Variants in RBFOX3 observed in about 807,000 individuals in gnomAD.
The protein encoded by RBFOX3 is RNA binding protein fox-1 homolog 3.
In RBFOX3, 17 loss-of-function variants were observed where a neutral mutation model predicts 48.7. The observed-to-expected ratio is 0.35, with a 90% CI of 0.24 to 0.52. The LOEUF (loss-of-function observed/expected upper bound fraction) is 0.52, where lower values mean the gene tolerates loss of function less well. Among genes scored for constraint, RBFOX3 ranks in the 20% least tolerant of loss-of-function variants. RBFOX3 has a pLI of 0.94. For synonymous variants in RBFOX3, 212 were observed against 209.5 expected (o/e 1.01, Z -0.10); for missense variants, 382 against 497.5 (o/e 0.77, Z 2.21).
chr17:79,546,751 C>T (rs975949299), intron 1 of RBFOX3, among the ~76,000 whole-genome samples: 3 of 151,244 alleles, frequency 2.0e-5, no homozygotes, highest in African/African-American at 4.9e-5. Flanking sequence ...CTCACTGCAA[C>T]CTCCGACTCC....
At chr17:79,538,950 T>C (rs1555789445) in intron 1 of RBFOX3, among the ~76,000 whole-genome samples, 1 of 152,158 alleles carries the variant, frequency 6.6e-6, no homozygotes, top group Non-Finnish European at 1.5e-5. Context: ...TTCACATAAA[T>C]ACGCATGCAA....
At chr17:79,602,702 G>A (rs954925711) in intron 1 of RBFOX3, among the ~76,000 whole-genome samples, 3 of 151,968 alleles carry the variant, frequency 2.0e-5, no homozygotes, top group Admixed American at 1.3e-4. Flanking sequence ...GCTGTGCTTC[G>A]GTTTTTCATG....
chr17:79,129,450 G>C (rs990322008), intron 4 of RBFOX3, among the ~76,000 whole-genome samples: 4 of 104,228 alleles, frequency 3.8e-5, no homozygotes, highest in Non-Finnish European at 9.3e-5. Context: ...GGAAGGAGGG[G>C]TGGGCAGCAG....
intron 2 of RBFOX3, among the ~76,000 whole-genome samples, chr17:79,351,881 C>G (rs879581924): frequency 1.1e-4 from 17 of 152,172 alleles, no homozygotes; most frequent in Non-Finnish European, 2.1e-4. Flanking sequence ...GAGTCCTACC[C>G]TCACCCTTGT....
At chr17:79,266,988 C>G (rs1339929228) in intron 3 of RBFOX3, among the ~76,000 whole-genome samples, 1 of 152,138 alleles carries the variant, frequency 6.6e-6, no homozygotes, top group Non-Finnish European at 1.5e-5. Context: ...AATGACTGAA[C>G]CTGAGGCGGT....
At chr17:79,342,560 C>G (rs999266346) in intron 2 of RBFOX3, among the ~76,000 whole-genome samples, 1 of 152,208 alleles carries the variant, frequency 6.6e-6, no homozygotes, top group Non-Finnish European at 1.5e-5. Flanking sequence ...CCCCTCCCTG[C>G]AAAGCCTAGC....
intron 2 of RBFOX3, among the ~76,000 whole-genome samples, chr17:79,350,138 C>A (rs1300009893): frequency 6.6e-6 from 1 of 152,202 alleles, no homozygotes; most frequent in Admixed American, 6.5e-5. Context: ...GCCCAGGATG[C>A]CCCCTGTCCG....
intron 3 of RBFOX3, among the ~76,000 whole-genome samples, chr17:79,293,369 CCT>C (rs1190114191): frequency 1.1e-4 from 15 of 133,188 alleles, no homozygotes; most frequent in Non-Finnish European, 2.3e-4. Context: ...CTCCCCTCCC[CCT>C]CCCTCCCCTC....
At chr17:79,514,617 C>T (rs1312465635) in intron 1 of RBFOX3, among the ~76,000 whole-genome samples, 1 of 152,192 alleles carries the variant, frequency 6.6e-6, no homozygotes, top group Admixed American at 6.5e-5. Flanking sequence ...AGGCAAGTTT[C>T]CCTGGCTGCC....
chr17:79,389,567 C>A (rs576225097), intron 2 of RBFOX3, among the ~76,000 whole-genome samples: 40 of 152,336 alleles, frequency 2.6e-4, no homozygotes, highest in African/African-American at 8.4e-4. Flanking sequence ...GAGTCCCCCA[C>A]CCTGCCTCGG....
At chr17:79,507,032 C>T (rs1356201254) in intron 1 of RBFOX3, among the ~76,000 whole-genome samples, 6 of 152,188 alleles carry the variant, frequency 3.9e-5, no homozygotes, top group Non-Finnish European at 2.9e-5. Flanking sequence ...AGCTGGAGCC[C>T]GTTGGTGGAA....
upstream of RBFOX3, among the ~76,000 whole-genome samples, chr17:79,614,721 T>C (rs1018167944): frequency 4.0e-5 from 6 of 151,618 alleles, no homozygotes; most frequent in Non-Finnish European, 2.9e-5. Flanking sequence ...ACAAAAAAGC[T>C]GGGAAGTTAA....
At chr17:79,602,605 C>A (rs1437620587) in intron 1 of RBFOX3, among the ~76,000 whole-genome samples, 1 of 152,200 alleles carries the variant, frequency 6.6e-6, no homozygotes, top group African/African-American at 2.4e-5. Context: ...CCCAGCTGTG[C>A]CTAATGGCAT....
At position 79,530,345 on chromosome 17, in the gene RBFOX3, C is replaced by T. The variant is rs915122095; in HGVS notation, c.-319-47747G>A. On this transcript the variant is annotated intron_variant, in intron 1 of 14. Transcript: ENST00000693108. ...GATCACCCTGGCCCTCGTCCCTCTG[C>T]GAATAAATCCCCCACGCATGGCACC... Among the ~76,000 whole-genome samples, 65 of 152,226 alleles carry T rather than the reference C, an allele frequency of 4.3e-4. No homozygotes were observed. In the East Asian group the frequency reaches 7.9e-3, roughly 19 times the overall value.
intron 14 of RBFOX3, chr17:79,092,448 A>G (rs969839548): frequency 1.0e-6 from 1 of 985,632 alleles, no homozygotes; most frequent in African/African-American, 1.7e-5. Flanking sequence ...GAAATAATCT[A>G]TAGATTTTAG....
intron 2 of RBFOX3, among the ~76,000 whole-genome samples, chr17:79,374,052 G>A (rs568943374): frequency 2.6e-5 from 4 of 152,202 alleles, no homozygotes; most frequent in East Asian, 3.9e-4. Flanking sequence ...TAGTAGAGAC[G>A]GGGTTTCGCC....
intron 2 of RBFOX3, among the ~76,000 whole-genome samples, chr17:79,353,376 G>A (rs1434697648): frequency 1.3e-5 from 2 of 152,132 alleles, no homozygotes; most frequent in Non-Finnish European, 1.5e-5. Flanking sequence ...CTGTGAGTGG[G>A]AGCACACTTG....
chr17:79,656,760 AGG>A, the RBFOX3 span, among the ~76,000 whole-genome samples: 189 of 25,386 alleles, frequency 7.4e-3, 4 homozygotes, highest in African/African-American at 0.018. Context: ...GAAGGAAGGA[AGG>A]AAGGAAGGAA....
intron 2 of RBFOX3, among the ~76,000 whole-genome samples, chr17:79,384,078 C>T (rs1248226554): frequency 6.6e-6 from 1 of 152,210 alleles, no homozygotes; most frequent in South Asian, 2.1e-4. Context: ...GCAGCCGCCA[C>T]ATGCCCACAG....
Sources: gnomAD v4.1 joint callset for allele counts (sites outside exome capture counted in the v4.1 genomes callset) on GRCh38, gnomAD v4.1.1 for gene constraint, MANE v1.5 for transcripts, NCBI Gene and HGNC (gene_info 2026-07-23, HGNC 2026-07-21) for gene names.